Variants in CD8B2 observed in about 807,000 individuals in gnomAD.
CD8B2 encodes CD8B family member 2.
In CD8B2, 11 loss-of-function variants were observed where a neutral mutation model predicts 23.7. The ratio of observed to expected loss-of-function variants is 0.46; its 90% CI spans 0.29 to 0.77. The LOEUF (loss-of-function observed/expected upper bound fraction) is 0.77, where lower values mean the gene tolerates loss of function less well. CD8B2 is among the 30% of genes least tolerant of loss of function. The pLI is 0.09. For missense variants in CD8B2, 197 were observed against 270.5 expected (o/e 0.73, Z 1.91); for synonymous variants, 90 against 109.3 (o/e 0.82, Z 1.10).
At position 106,532,335 on chromosome 2, in the gene CD8B2, A is replaced by AT. The variant is rs201610590; in HGVS notation, c.621-11648dup. ...AAACTTCAAGGTATTCTCTTTACACATTTTTTTTTCTATTAAAGCGAGCTA... is the reference window on the plus strand; with the variant it reads ...AAACTTCAAGGTATTCTCTTTACACATTTTTTTTTTCTATTAAAGCGAGCTA... On this transcript the variant is annotated intron_variant, in intron 5 of 5. Coordinates refer to the CD8B2 transcript ENST00000416057. Among the ~76,000 whole-genome samples, 411 of 151,502 alleles carry AT rather than the reference A, an allele frequency of 2.7e-3. 3 individuals carry two copies. The highest frequency in any genetic ancestry group is 5.0e-3 in the African/African-American group (208 of 41,306).
intron 5 of CD8B2, among the ~76,000 whole-genome samples, chr2:106,525,644 C>CT (rs2104570667): frequency 6.6e-6 from 1 of 152,338 alleles, no homozygotes; most frequent in East Asian, 1.9e-4. Flanking sequence ...CTCCTCTCCC[C>CT]TGTCCCTAGC....
intron 2 of CD8B2, among the ~76,000 whole-genome samples, chr2:106,495,249 C>T (rs1489067462): frequency 6.6e-6 from 1 of 151,698 alleles, no homozygotes; most frequent in South Asian, 2.1e-4. Flanking sequence ...GGGTGTAGGT[C>T]GGCCGGGTGC....
Position 106,509,655 on chromosome 2 carries a change from G to A in CD8B2, c.*2715G>A, listed in dbSNP as rs1476858302. 6.6e-6 allele frequency: 1 copy of A among 151,818 alleles called. No homozygotes were observed. Among genetic ancestry groups the A allele is most frequent in the African/African-American group, 2.4e-5 (1 of 41,258 alleles). 9.4% of individuals were successfully genotyped at this position (151,818 alleles called of 1,614,324 possible). A position where few individuals can be genotyped will look rare whatever the true frequency, so the allele number is the denominator to read the frequency against. On this transcript the variant is annotated 3_prime_UTR_variant, in exon 6 of 6. Transcript: ENST00000643224. The stretch of plus-strand genomic sequence containing the variant: ...GCGGGCTCAGCTCCGGCCACCCAGG[G>A]AGCTGGAGCAGGCTGGGCTGCCAAT...
chr2:106,515,524 A>T (rs1050830211), downstream of CD8B2, among the ~76,000 whole-genome samples: 16 of 152,198 alleles, frequency 1.1e-4, no homozygotes, highest in Non-Finnish European at 4.4e-5. Flanking sequence ...GCTCTAAGCC[A>T]TGTGAGTATA....
At chr2:106,534,560 T>TTG (rs1199811640) in intron 5 of CD8B2, among the ~76,000 whole-genome samples, 1 of 152,124 alleles carries the variant, frequency 6.6e-6, no homozygotes, top group African/African-American at 2.4e-5. Context: ...CTTGATCTGA[T>TTG]TGCTGAACTG....
chr2:106,496,277 C>T lies in CD8B2; in HGVS notation c.493+15C>T. On this transcript the variant is annotated intron_variant, in intron 3 of 5. Transcript: ENST00000643224. ...GACCCAGAAGGGTGAGTTCCCTATC[C>T]CTCTGCACCCTCAGAAACAAGGCAG... 1 of 1,502,132 alleles carries T rather than the reference C, an allele frequency of 6.7e-7. No individual in the cohort carries two copies. The highest frequency in any genetic ancestry group is 9.0e-7 in the Non-Finnish European group (1 of 1,114,504). The allele number at this position is 1,502,132 out of a possible 1,614,324, so 93.1% of individuals were successfully genotyped here. A position where few individuals can be genotyped will look rare whatever the true frequency, so the allele number is the denominator to read the frequency against.
At chr2:106,521,287 A>C (rs746583807) in intron 5 of CD8B2, among the ~76,000 whole-genome samples, 25 of 152,156 alleles carry the variant, frequency 1.6e-4, no homozygotes, top group Non-Finnish European at 2.8e-4. Context: ...TCCCTACTGC[A>C]CAAGTGGCTG....
chr2:106,501,625 T>C (rs1419210887), intron 3 of CD8B2, among the ~76,000 whole-genome samples: 1 of 152,192 alleles, frequency 6.6e-6, no homozygotes, highest in African/African-American at 2.4e-5. Flanking sequence ...GAGGTTGCAG[T>C]GAGCCAAGAT....
At chr2:106,501,682 A>AAAAC (rs1044585114) in intron 3 of CD8B2, among the ~76,000 whole-genome samples, 69 of 152,304 alleles carry the variant, frequency 4.5e-4, no homozygotes, top group African/African-American at 1.5e-3. Flanking sequence ...ACTCTGTATC[A>AAAAC]AAACAAACAA....
intron 3 of CD8B2, among the ~76,000 whole-genome samples, chr2:106,499,656 T>C (rs1679364607): frequency 6.6e-6 from 1 of 152,026 alleles, no homozygotes; most frequent in Admixed American, 6.6e-5. Context: ...GTTACCGTAA[T>C]CTAGTTTCAG....
intron 5 of CD8B2, among the ~76,000 whole-genome samples, chr2:106,516,620 A>G (rs1679733293): frequency 6.6e-6 from 1 of 152,110 alleles, no homozygotes; most frequent in African/African-American, 2.4e-5. Context: ...TGTTTCTCTG[A>G]CACCATTATC....
At position 106,527,802 on chromosome 2, in the gene CD8B2, AC is replaced by A. The variant is rs1171035507; in HGVS notation, c.621-16189del. ...TGTCTCAAAAACAAACCAAAACAAA[AC>A]AAAAAACAAACAAACAAACAAACAA... On this transcript the variant is annotated intron_variant, in intron 5 of 5. Transcript: ENST00000416057. Among the ~76,000 whole-genome samples the A allele has an allele frequency of 9.7e-5, 4 of 41,044 alleles. 1 individual carries two copies. The East Asian group carries it at 2.9e-3, about 30-fold the overall frequency. The allele number at this position is 41,044 out of a possible 152,430, so 26.9% of individuals were successfully genotyped here. A position where few individuals can be genotyped will look rare whatever the true frequency, so the allele number is the denominator to read the frequency against.
downstream of CD8B2, among the ~76,000 whole-genome samples, chr2:106,513,483 G>A (rs1382404417): frequency 6.6e-6 from 1 of 150,750 alleles, no homozygotes; most frequent in Non-Finnish European, 1.5e-5. Context: ...GTGTTTGGCT[G>A]GGAGTGTTGT....
Position 106,489,036 on chromosome 2 carries a change from T to C in CD8B2, c.43+1567T>C, listed in dbSNP as rs1420836715. ...TTTCTTTTCCAAGACGGAGTCTTGC[T>C]CTGTCGCCCAGGCTGGAGTGCAGTG... On this transcript the variant is annotated intron_variant, in intron 1 of 5. Coordinates refer to ENST00000643224, the MANE Select transcript of CD8B2 (RefSeq NM_001349727.2). Among the ~76,000 whole-genome samples, 44 of 148,278 alleles carry C rather than the reference T, an allele frequency of 3.0e-4. No homozygotes were observed. The Admixed American group carries it at 3.0e-3, about 10-fold the overall frequency.
chr2:106,526,803 C>A (rs1018548044), intron 5 of CD8B2, among the ~76,000 whole-genome samples: 10 of 152,134 alleles, frequency 6.6e-5, no homozygotes, highest in Non-Finnish European at 7.4e-5. Context: ...GCATGTGCCA[C>A]CATACCCAGT....
chr2:106,534,739 G>A (rs772994260), intron 5 of CD8B2, among the ~76,000 whole-genome samples: 1 of 152,164 alleles, frequency 6.6e-6, no homozygotes, highest in Non-Finnish European at 1.5e-5. Context: ...CATTATAAAA[G>A]CTCCCTGGGG....
chr2:106,491,028 C>T lies in CD8B2; in HGVS notation c.198C>T (p.His66=), dbSNP rs1438459532. The change falls in exon 2 of 6, where the codon CAC becomes CAT. Residue 66 remains histidine, a synonymous_variant. Coordinates refer to ENST00000643224, the MANE Select transcript of CD8B2 (RefSeq NM_001349727.2). ...GCCAGGCCCCGAGCAGTGATAGTCACCACGAGTTCCTGACCCTCTGGGATT... is the reference window on the plus strand; with the variant it reads ...GCCAGGCCCCGAGCAGTGATAGTCATCACGAGTTCCTGACCCTCTGGGATT... ...RQRQAPSSDS[H]HEFLTLWDSA... is the part of the protein sequence containing the mutation. 2 of 1,613,858 alleles carry T rather than the reference C, an allele frequency of 1.2e-6. No individual in the cohort carries two copies. Among genetic ancestry groups the T allele is most frequent in the Non-Finnish European group, 1.7e-6 (2 of 1,179,860 alleles).
chr2:106,491,323 T>C, intron 2 of CD8B2, 90 bp downstream of exon 2: 3 of 1,180,056 alleles, frequency 2.5e-6, no homozygotes, highest in Middle Eastern at 2.1e-4. Flanking sequence ...AGTGTGCCCC[T>C]GTCTGCAGCT....
intron 5 of CD8B2, among the ~76,000 whole-genome samples, chr2:106,528,605 G>A (rs923683664): frequency 2.6e-5 from 4 of 152,198 alleles, no homozygotes; most frequent in African/African-American, 9.6e-5. Flanking sequence ...TATGAGTAGA[G>A]ATTTAAGAAC....
Sources: allele counts gnomAD v4.1 joint callset (sites outside exome capture counted in the v4.1 genomes callset), GRCh38; gene constraint gnomAD v4.1.1; transcripts MANE v1.5; gene names NCBI Gene and HGNC (gene_info 2026-07-23, HGNC 2026-07-21).